The following ARK2N variants were observed in gnomAD, a reference collection of about 807,000 sequenced individuals.
ARK2N encodes arkadia (RNF111) N-terminal like PKA signaling regulator 2N.
At chr18:46,233,776 T>C in the ARK2N span, among the ~76,000 whole-genome samples, 1 of 152,192 alleles carries the variant, frequency 6.6e-6, no homozygotes, top group Non-Finnish European at 1.5e-5. Flanking sequence ...TTGGAAACTT[T>C]ATAATAAAAA....
chr18:46,215,076 T>C, the ARK2N span, among the ~76,000 whole-genome samples: 2 of 152,164 alleles, frequency 1.3e-5, no homozygotes, highest in Non-Finnish European at 2.9e-5. Flanking sequence ...CCCAGCAGTT[T>C]GGGAGGCCAC....
chr18:46,235,087 G>A, the ARK2N span, among the ~76,000 whole-genome samples: 1 of 152,170 alleles, frequency 6.6e-6, no homozygotes, highest in African/African-American at 2.4e-5. Flanking sequence ...CTGTTTCCTA[G>A]ATTTAGAGTT....
chr18:46,205,319 A>G, the ARK2N span, among the ~76,000 whole-genome samples: 3 of 152,166 alleles, frequency 2.0e-5, no homozygotes, highest in African/African-American at 7.2e-5. Flanking sequence ...TCTTAGTTAT[A>G]TTGAGTGCTT....
the ARK2N span, among the ~76,000 whole-genome samples, chr18:46,227,734 A>AT: frequency 3.5e-4 from 53 of 152,152 alleles, no homozygotes; most frequent in Non-Finnish European, 7.1e-4. Flanking sequence ...AGTAGTTGGG[A>AT]TTACAAGCAT....
chr18:46,195,559 CTTTTTT>C, the ARK2N span, among the ~76,000 whole-genome samples: 202 of 72,636 alleles, frequency 2.8e-3, 1 homozygote, highest in African/African-American at 0.012. Flanking sequence ...CCCACATAAA[CTTTTTT>C]TTTTTTTTTT....
the ARK2N span, among the ~76,000 whole-genome samples, chr18:46,190,522 T>A: frequency 6.6e-6 from 1 of 152,036 alleles, no homozygotes; most frequent in Non-Finnish European, 1.5e-5. Context: ...AATTACAGCT[T>A]TTCAAAAAAC....
chr18:46,228,989 G>T, the ARK2N span: 4 of 389,186 alleles, frequency 1.0e-5, no homozygotes, highest in Non-Finnish European at 1.8e-5. Context: ...GGAAGAAAAA[G>T]AAGTTTTGGC....
the ARK2N span, among the ~76,000 whole-genome samples, chr18:46,221,811 A>G: frequency 6.6e-6 from 1 of 152,202 alleles, no homozygotes; most frequent in Non-Finnish European, 1.5e-5. Context: ...TAGTGAATCC[A>G]TGAAGCGCAG....
chr18:46,253,111 G>A, the ARK2N span, among the ~76,000 whole-genome samples: 2 of 152,138 alleles, frequency 1.3e-5, no homozygotes, highest in African/African-American at 4.8e-5. Flanking sequence ...ATGTAGTTTT[G>A]GGTCAGATTT....
At chr18:46,228,318 A>C in the ARK2N span, among the ~76,000 whole-genome samples, 1 of 152,206 alleles carries the variant, frequency 6.6e-6, no homozygotes, top group Non-Finnish European at 1.5e-5. Flanking sequence ...CTACTTTTCT[A>C]TGCATGTGTA....
the ARK2N span, among the ~76,000 whole-genome samples, chr18:46,259,901 GACA>G: frequency 2.8e-5 from 4 of 140,912 alleles, no homozygotes; most frequent in Admixed American, 7.2e-5. Flanking sequence ...GTGTGTGTGC[GACA>G]GAGATGGGGT....
At chr18:46,216,404 G>A in the ARK2N span, 31 of 1,614,020 alleles carry the variant, frequency 1.9e-5, 1 homozygote, top group Non-Finnish European at 2.5e-5. The surrounding 1 kb of genome is among the most constrained non-coding windows in gnomAD (Gnocchi z 4.3). Context: ...AAAGGTCATC[G>A]GAGCCAAAAG....
At chr18:46,257,234 C>G in the ARK2N span, among the ~76,000 whole-genome samples, 1 of 151,962 alleles carries the variant, frequency 6.6e-6, no homozygotes, top group Non-Finnish European at 1.5e-5. Context: ...TTGTGGCTGC[C>G]CTGACTTGTG....
At chr18:46,201,437 T>C in the ARK2N span, among the ~76,000 whole-genome samples, 1 of 152,210 alleles carries the variant, frequency 6.6e-6, no homozygotes, top group African/African-American at 2.4e-5. Context: ...TTTGGACTTT[T>C]TTTTGTCCTA....
chr18:46,193,036 C>T, the ARK2N span, among the ~76,000 whole-genome samples: 2,654 of 151,778 alleles, frequency 0.017, 72 homozygotes, highest in African/African-American at 0.06. Flanking sequence ...CATGGTGGCA[C>T]GTTCCTATAG....
chr18:46,177,322 G>A, the ARK2N span, among the ~76,000 whole-genome samples: 1 of 152,050 alleles, frequency 6.6e-6, no homozygotes, highest in South Asian at 2.1e-4. Flanking sequence ...TTGGGAGGCT[G>A]AGACGGGAGG....
At chr18:46,216,372 G>A in the ARK2N span, 1 of 1,614,098 alleles carries the variant, frequency 6.2e-7, no homozygotes, top group Non-Finnish European at 8.5e-7. The surrounding 1 kb of genome is among the most constrained non-coding windows in gnomAD (Gnocchi z 4.3). Flanking sequence ...GTGATAAACA[G>A]AATGGCCGAG....
the ARK2N span, among the ~76,000 whole-genome samples, chr18:46,245,005 A>G: frequency 7.2e-5 from 11 of 151,802 alleles, no homozygotes; most frequent in Admixed American, 3.9e-4. Context: ...GTCTCCGCTC[A>G]TTGCAGCATC....
At chr18:46,249,483 C>T in the ARK2N span, among the ~76,000 whole-genome samples, 1 of 152,098 alleles carries the variant, frequency 6.6e-6, no homozygotes, top group Middle Eastern at 3.4e-3. Context: ...CCACCCGCCT[C>T]GGCCTCCCAA....
Sources: gnomAD v4.1 joint callset for allele counts (sites outside exome capture counted in the v4.1 genomes callset) on GRCh38, gnomAD v4.1.1 for gene constraint, Gnocchi (gnomAD v3.1) non-coding constraint, MANE v1.5 for transcripts, NCBI Gene and HGNC (gene_info 2026-07-23, HGNC 2026-07-21) for gene names.